The following NBAS variants were observed in gnomAD, a reference collection of about 807,000 sequenced individuals.
The protein encoded by NBAS is NAG/BC035112 fusion.
NBAS carries 219 observed loss-of-function variants against 302.5 expected under a neutral mutation model. That is an observed-to-expected ratio of 0.72 (90% CI 0.65 to 0.81). The LOEUF (loss-of-function observed/expected upper bound fraction) is 0.81. Ranked by LOEUF, NBAS falls within the 30% of genes least tolerant of loss-of-function variation. The pLI, the probability that NBAS is intolerant of heterozygous loss-of-function variation, is 0.00. For synonymous variants in NBAS, 1,118 were observed against 1,021.6 expected (o/e 1.09, Z -1.80); for missense variants, 2,932 against 2,841.6 (o/e 1.03, Z -0.72).
chr2:15,367,938 A>C (rs10929363), intron 31 of NBAS, among the ~76,000 whole-genome samples: 6,270 of 152,240 alleles, frequency 0.041, 443 homozygotes, highest in African/African-American at 0.14. Context: ...GCATGCATAC[A>C]GTCCCTGCTT....
At chr2:15,166,342 C>A (rs948003476), downstream of NBAS, among the ~76,000 whole-genome samples, 2 of 152,162 alleles carry the variant, frequency 1.3e-5, no homozygotes, top group Non-Finnish European at 2.9e-5. Flanking sequence ...TCAACCTGAA[C>A]ATGTCGATGC....
chr2:15,089,466 T>C, the NBAS span, among the ~76,000 whole-genome samples: 1 of 152,074 alleles, frequency 6.6e-6, no homozygotes, highest in African/African-American at 2.4e-5. Context: ...TAGGGAAGAT[T>C]AAAAACTTGC....
intron 44 of NBAS, among the ~76,000 whole-genome samples, chr2:15,249,889 A>G (rs957057466): frequency 6.6e-6 from 1 of 152,198 alleles, no homozygotes; most frequent in Admixed American, 6.5e-5. Flanking sequence ...CTGATGCCCA[A>G]AGTAATTTAC....
chr2:15,339,066 A>G (rs1290434331), intron 35 of NBAS, among the ~76,000 whole-genome samples: 2 of 152,204 alleles, frequency 1.3e-5, no homozygotes, highest in South Asian at 2.1e-4. Flanking sequence ...GGGGATTTAG[A>G]GGCCAAACCC....
intron 49 of NBAS, among the ~76,000 whole-genome samples, chr2:15,187,945 C>A (rs558180397): frequency 2.0e-5 from 3 of 152,186 alleles, no homozygotes; most frequent in Non-Finnish European, 4.4e-5. Context: ...ACACACAGTT[C>A]TGTGAGAGTG....
the NBAS span, among the ~76,000 whole-genome samples, chr2:15,057,314 G>A: frequency 4.2e-4 from 57 of 135,818 alleles, no homozygotes; most frequent in South Asian, 7.1e-4. Context: ...ACAGAAATTT[G>A]AAAAAAAAAA....
intron 42 of NBAS, among the ~76,000 whole-genome samples, chr2:15,282,423 T>C (rs897754998): frequency 6.6e-6 from 1 of 152,184 alleles, no homozygotes; most frequent in African/African-American, 2.4e-5. Context: ...GCAGATGCAA[T>C]ATAGTTTACT....
chr2:15,275,557 A>C lies in NBAS; in HGVS notation c.5651T>G (p.Phe1884Cys), dbSNP rs372489783. 6.2e-7 allele frequency: 1 copy of C among 1,614,080 alleles called. No homozygotes were observed. Among genetic ancestry groups the C allele is most frequent in the Non-Finnish European group, 8.5e-7 (1 of 1,180,006 alleles). The stretch of plus-strand genomic sequence containing the variant: ...GAGGTCACCTGGGTGGAGACGATCA[A>C]AGTACTTCATGCAGACATCATAGGC... ...LHAYDVCMKY[F>C]DRLHPGDLIT... The change falls in exon 44 of 52, where the codon TTT (phenylalanine) becomes TGT (cysteine). Residue 1884 changes from phenylalanine to cysteine, a missense_variant. Physicochemically the swap from Phe to Cys is radical, Grantham distance 205. Coordinates refer to ENST00000281513, the MANE Select transcript of NBAS (RefSeq NM_015909.4).
chr2:15,539,006 C>T (rs1452096799), intron 7 of NBAS, among the ~76,000 whole-genome samples: 1 of 152,158 alleles, frequency 6.6e-6, no homozygotes, highest in Non-Finnish European at 1.5e-5. Flanking sequence ...TGTTTACTTA[C>T]TACCACGTGG....
the NBAS span, among the ~76,000 whole-genome samples, chr2:14,900,115 T>TTTTTC: frequency 6.6e-6 from 1 of 151,078 alleles, no homozygotes; most frequent in Non-Finnish European, 1.5e-5. Context: ...TCACATGCTT[T>TTTTTC]TTTTTTTTTT....
chr2:15,307,938 T>C (rs893809289), intron 40 of NBAS, among the ~76,000 whole-genome samples: 3 of 152,214 alleles, frequency 2.0e-5, no homozygotes, highest in Admixed American at 1.3e-4. Flanking sequence ...TTCCTACTAC[T>C]TTAGCCATTC....
the NBAS span, among the ~76,000 whole-genome samples, chr2:15,020,059 C>G: frequency 2.0e-5 from 3 of 152,102 alleles, no homozygotes; most frequent in Admixed American, 2.0e-4. Context: ...CAAGTTCATA[C>G]AGCTACTATT....
chr2:15,392,012 C>T (rs550850137), intron 28 of NBAS, among the ~76,000 whole-genome samples: 1 of 124,904 alleles, frequency 8.0e-6, no homozygotes, highest in African/African-American at 2.9e-5. Context: ...CACTGGCATC[C>T]TAGCACTACC....
In NBAS at chr2:15,390,621, T is replaced by C. The variant is rs75474922; in HGVS notation, c.3257+3606A>G. Among the ~76,000 whole-genome samples, 1,287 of 147,894 alleles carry C rather than the reference T, an allele frequency of 8.7e-3. 18 individuals carry two copies. Among genetic ancestry groups the C allele is most frequent in the East Asian group, 0.06 (309 of 5,144 alleles). ...CTCCTGCCACACAAACAAAATAAAA[T>C]AGATAACTATGTGAGATGATGAATG... is the stretch of plus-strand genomic sequence containing the variant. On this transcript the variant is annotated intron_variant, in intron 28 of 51. Coordinates refer to ENST00000281513, the MANE Select transcript of NBAS (RefSeq NM_015909.4).
At chr2:15,457,882 C>T (rs1240278123) in intron 21 of NBAS, among the ~76,000 whole-genome samples, 1 of 152,204 alleles carries the variant, frequency 6.6e-6, no homozygotes, top group African/African-American at 2.4e-5. Context: ...CTGTCCTTAA[C>T]GATGGGTTGA....
At chr2:14,895,409 G>T in the NBAS span, among the ~76,000 whole-genome samples, 3 of 152,052 alleles carry the variant, frequency 2.0e-5, no homozygotes, top group Non-Finnish European at 2.9e-5. Flanking sequence ...CAAATGCAAC[G>T]AAAACAAAAA....
chr2:14,946,756 C>T, the NBAS span, among the ~76,000 whole-genome samples: 1 of 152,112 alleles, frequency 6.6e-6, no homozygotes, highest in Non-Finnish European at 1.5e-5. Context: ...ATGAAATGTC[C>T]TCTAGAACAG....
the NBAS span, among the ~76,000 whole-genome samples, chr2:15,086,987 A>T: frequency 2.6e-5 from 4 of 152,230 alleles, no homozygotes; most frequent in African/African-American, 9.6e-5. Context: ...ACACGCACAC[A>T]CACACCACAC....
chr2:15,031,225 C>T, the NBAS span, among the ~76,000 whole-genome samples: 1 of 152,164 alleles, frequency 6.6e-6, no homozygotes. Flanking sequence ...TTATCAGCAA[C>T]CAACAATCTC....
Sources: allele counts gnomAD v4.1 joint callset (sites outside exome capture counted in the v4.1 genomes callset), GRCh38; gene constraint gnomAD v4.1.1; transcripts MANE v1.5; gene names NCBI Gene and HGNC (gene_info 2026-07-23, HGNC 2026-07-21).